RAB43: variants seen among roughly 807,000 people sequenced by gnomAD.
RAB43 encodes the protein RAB43, member RAS oncogene family.
A neutral mutation model predicts 18.8 loss-of-function variants in RAB43; 6 were observed. The observed-to-expected ratio is 0.32, with a 90% CI of 0.17 to 0.63. The LOEUF (loss-of-function observed/expected upper bound fraction) is 0.63. Ranked by LOEUF, RAB43 falls within the 30% of genes least tolerant of loss-of-function variation. The pLI is 0.79. For missense variants in RAB43, 195 were observed against 289.1 expected (o/e 0.67, Z 2.36); for synonymous variants, 103 against 124.1 (o/e 0.83, Z 1.13).
Position 129,092,596 on chromosome 3 carries a change from A to C in RAB43, c.389-1250T>G, listed in dbSNP as rs763654966. ...GGCAACATAGCAGGACTGCATCTCT[A>C]AAAATATATGTATGTATATAAGTAT... On this transcript the variant is annotated intron_variant, in intron 2 of 2. Coordinates refer to ENST00000315150, the MANE Select transcript of RAB43 (RefSeq NM_198490.3). 1.7e-4 allele frequency: 114 copies of C among 668,612 alleles called. No homozygotes were observed. The highest frequency in any genetic ancestry group is 2.6e-4 in the Non-Finnish European group (98 of 370,370). 41.4% of individuals were successfully genotyped at this position (668,612 alleles called of 1,614,324 possible). A position where few individuals can be genotyped will look rare whatever the true frequency, so the allele number is the denominator to read the frequency against.
chr3:129,109,809 T>TA (rs1177424315), intron 1 of RAB43, among the ~76,000 whole-genome samples: 6 of 151,764 alleles, frequency 4.0e-5, no homozygotes, highest in African/African-American at 1.4e-4. Context: ...GTACATAATG[T>TA]AAAAAAAATT....
chr3:129,092,449 G>C, intron 2 of RAB43: 1 of 682,222 alleles, frequency 1.5e-6, no homozygotes, highest in Non-Finnish European at 2.7e-6. Context: ...AGGGTAATGG[G>C]TACCTGGGGG....
At chr3:129,091,942 G>C (rs1225605960) in intron 2 of RAB43, among the ~76,000 whole-genome samples, 2 of 151,768 alleles carry the variant, frequency 1.3e-5, no homozygotes, top group African/African-American at 4.8e-5. Flanking sequence ...GTGGTGGCGG[G>C]GGCCTGTAAT....
intron 1 of RAB43, among the ~76,000 whole-genome samples, chr3:129,110,824 C>CA (rs1352092365): frequency 1.9e-4 from 29 of 149,260 alleles, no homozygotes; most frequent in Middle Eastern, 3.5e-3. Context: ...AAACAAAAAA[C>CA]AAAAAAAACA....
intron 2 of RAB43, among the ~76,000 whole-genome samples, chr3:129,094,719 G>A (rs1933921690): frequency 6.6e-6 from 1 of 151,314 alleles, no homozygotes; most frequent in Admixed American, 6.6e-5. Flanking sequence ...AGGTTTCACT[G>A]TGTTAGCCAG....
At chr3:129,115,996 C>T (rs944789545) in intron 1 of RAB43, among the ~76,000 whole-genome samples, 2 of 152,284 alleles carry the variant, frequency 1.3e-5, no homozygotes, top group East Asian at 3.9e-4. Context: ...TCAAAGAATC[C>T]TTATTTTACT....
chr3:129,121,795 A>C lies in RAB43; in HGVS notation c.-306T>G. On this transcript the variant is annotated 5_prime_UTR_variant, in exon 1 of 3. Transcript: ENST00000315150. ...TCCGGCCGGTCCTCAGCTCCGTGCC[A>C]CACCAGTCTGGCCTGTAGGCCCGCC... The C allele has an allele frequency of 5.6e-6, 1 of 176,992 alleles. No homozygotes were observed. Among genetic ancestry groups the C allele is most frequent in the South Asian group, 2.1e-4 (1 of 4,842 alleles). The allele number at this position is 176,992 out of a possible 1,614,324, so 11.0% of individuals were successfully genotyped here.
intron 1 of RAB43, among the ~76,000 whole-genome samples, chr3:129,110,977 T>C (rs1369602345): frequency 6.6e-6 from 1 of 151,658 alleles, no homozygotes; most frequent in Non-Finnish European, 1.5e-5. Context: ...AAGCAAAATA[T>C]CAATCTGTTG....
At chr3:129,120,487 C>A (rs1244086266) in intron 1 of RAB43, among the ~76,000 whole-genome samples, 1 of 152,206 alleles carries the variant, frequency 6.6e-6, no homozygotes, top group Non-Finnish European at 1.5e-5. Context: ...CCAGGATCTC[C>A]TGGTTGATTA....
intron 1 of RAB43, among the ~76,000 whole-genome samples, chr3:129,097,590 CAG>C (rs2107989178): frequency 6.6e-6 from 1 of 152,210 alleles, no homozygotes; most frequent in African/African-American, 2.4e-5. Flanking sequence ...ATCCAGAAAA[CAG>C]AGAGTTCAAC....
At position 129,091,323 on chromosome 3, in the gene RAB43, G is replaced by A; in HGVS notation, c.412C>T (p.Leu138Phe). Residue 138 changes from leucine to phenylalanine, a missense_variant, in exon 3 of 3, where the codon CTT becomes TTT. Physicochemically the swap from Leu to Phe is conservative, Grantham distance 22 (BLOSUM62 0). Transcript: ENST00000315150. ...LIGNKSDLSE[L>F]REVSLAEAQS... Reference sequence around the variant, plus strand: ...GCCTCAGCCAAGGAGACCTCCCGAAGCTCGCTGAGGTCTGACTTGTTCCCT... The same window carrying A: ...GCCTCAGCCAAGGAGACCTCCCGAAACTCGCTGAGGTCTGACTTGTTCCCT... 1 of 1,604,400 alleles carries A rather than the reference G, an allele frequency of 6.2e-7. No homozygotes were observed.
chr3:129,094,858 CA>C, intron 2 of RAB43, 127 bp downstream of exon 2: 1 of 1,343,964 alleles, frequency 7.4e-7, no homozygotes, highest in Non-Finnish European at 1.0e-6. Context: ...TCAGGATTTG[CA>C]AAACCATGGC....
intron 1 of RAB43, among the ~76,000 whole-genome samples, chr3:129,115,348 A>G (rs1418772379): frequency 6.6e-6 from 1 of 150,764 alleles, no homozygotes; most frequent in Non-Finnish European, 1.5e-5. Context: ...AAAAACAAAA[A>G]ACAAAATCAG....
intron 1 of RAB43, among the ~76,000 whole-genome samples, chr3:129,105,223 TG>T (rs1934688664): frequency 2.0e-5 from 3 of 152,080 alleles, no homozygotes; most frequent in Admixed American, 6.5e-5. Context: ...GAGGCTGAGG[TG>T]GGCAGATTAC....
rs1191868599 is a variant in RAB43 at position 129,118,169 on chromosome 3, G to C, written c.204+3117C>G. 2.0e-5 allele frequency among the ~76,000 whole-genome samples: 3 copies of C among 152,166 alleles called. No homozygotes were observed. In the South Asian group the frequency reaches 6.2e-4, roughly 32 times the overall value. ...TGCAAAGGTCCTGAGGCAGGGGTAAGCCCACCATGTTGAAGGGCTAGTGAA... is the reference window on the plus strand; with the variant it reads ...TGCAAAGGTCCTGAGGCAGGGGTAACCCCACCATGTTGAAGGGCTAGTGAA... On this transcript the variant is annotated intron_variant, in intron 1 of 2. Coordinates refer to ENST00000315150, the MANE Select transcript of RAB43 (RefSeq NM_198490.3).
intron 2 of RAB43, among the ~76,000 whole-genome samples, chr3:129,092,871 GT>G (rs1933767235): frequency 1.3e-5 from 2 of 151,992 alleles, no homozygotes; most frequent in Admixed American, 1.3e-4. Context: ...CAGGAGAATG[GT>G]GTGAACCCAG....
At chr3:129,114,799 C>T (rs1935415585) in intron 1 of RAB43, among the ~76,000 whole-genome samples, 1 of 152,184 alleles carries the variant, frequency 6.6e-6, no homozygotes, top group Non-Finnish European at 1.5e-5. Context: ...CTACTTCCCA[C>T]AATCCCTGAT....
rs1446989636 is a variant in RAB43, at chr3:129,113,424, A to G, written c.204+7862T>C. 2.0e-5 allele frequency among the ~76,000 whole-genome samples: 3 copies of G among 152,022 alleles called. No individual in the cohort carries two copies. In the East Asian group the frequency reaches 5.8e-4, roughly 30 times the overall value. On this transcript the variant is annotated intron_variant, in intron 1 of 2. Transcript: ENST00000315150. ...CATGATCGGCCCGCCTCGGCCTCCCAAAGTGCTGGGATTACAGGCATGAGC... is the reference window on the plus strand; with the variant it reads ...CATGATCGGCCCGCCTCGGCCTCCCGAAGTGCTGGGATTACAGGCATGAGC...
At chr3:129,102,538 G>A (rs1239086979) in intron 1 of RAB43, among the ~76,000 whole-genome samples, 6 of 147,590 alleles carry the variant, frequency 4.1e-5, no homozygotes, top group Non-Finnish European at 7.4e-5. Flanking sequence ...GCTGAGGCAG[G>A]AGAATGGTGT....
Sources: allele counts gnomAD v4.1 joint callset (sites outside exome capture counted in the v4.1 genomes callset), GRCh38; gene constraint gnomAD v4.1.1; transcripts MANE v1.5; gene names NCBI Gene and HGNC (gene_info 2026-07-23, HGNC 2026-07-21).